The following TSHZ2 variants were observed in gnomAD, a reference collection of about 807,000 sequenced individuals.
The protein encoded by TSHZ2 is teashirt homolog 2.
Under a neutral mutation model 74.4 loss-of-function variants are expected in TSHZ2, and 21 were observed. The observed-to-expected ratio is 0.28, with a 90% CI of 0.20 to 0.41. The LOEUF (loss-of-function observed/expected upper bound fraction) is 0.41. TSHZ2 is among the 10% of genes least tolerant of loss of function. The probability of loss-of-function intolerance (pLI) is 1.00; values close to 1 mark genes in which losing one functional copy is unlikely to be tolerated. For missense variants in TSHZ2, 1,244 were observed against 1,293.5 expected (o/e 0.96, Z 0.59); for synonymous variants, 540 against 515.3 (o/e 1.05, Z -0.65).
chr20:53,153,623 G>A (rs1425204063), intron 1 of TSHZ2, among the ~76,000 whole-genome samples: 1 of 152,102 alleles, frequency 6.6e-6, no homozygotes, highest in Non-Finnish European at 1.5e-5. Flanking sequence ...GTTTGTTGAG[G>A]TCCCACCACT....
chr20:53,255,823 A>G lies in TSHZ2; in HGVS notation c.2365A>G (p.Lys789Glu), dbSNP rs754801677. 2 of 1,613,064 alleles carry G rather than the reference A, an allele frequency of 1.2e-6. No individual in the cohort carries two copies. The highest frequency in any genetic ancestry group is 1.7e-6 in the Non-Finnish European group (2 of 1,179,474). ...ACAATCTTGTATGTCCCCACCTCAG[A>G]AGCACGCTCTGTCTGACATCGCCGA... ...QAQSCMSPPQKHALSDIADMV... is the reference protein window; with the variant it reads ...QAQSCMSPPQEHALSDIADMV... Residue 789 changes from lysine (K) to glutamate (E), a missense_variant, in exon 2 of 3, where the codon AAG (lysine) becomes GAG (glutamate). Coordinates refer to ENST00000371497, the MANE Select transcript of TSHZ2 (RefSeq NM_173485.6). This position sits in a 1 kb window ranked among gnomAD's most constrained non-coding sequence, Gnocchi z 4.1.
chr20:53,116,988 G>A (rs974018674), intron 1 of TSHZ2, among the ~76,000 whole-genome samples: 1 of 152,076 alleles, frequency 6.6e-6, no homozygotes, highest in Admixed American at 6.5e-5. Context: ...TCTTCATGGG[G>A]GAGAGTGAGA....
At chr20:53,243,993 A>G (rs1990137699) in intron 1 of TSHZ2, among the ~76,000 whole-genome samples, 1 of 152,152 alleles carries the variant, frequency 6.6e-6, no homozygotes, top group Non-Finnish European at 1.5e-5. Context: ...AATATTTCAG[A>G]GAAAGAAGCA....
chr20:53,273,115 G>T (rs1353110532), intron 2 of TSHZ2, among the ~76,000 whole-genome samples: 1 of 152,242 alleles, frequency 6.6e-6, no homozygotes, highest in African/African-American at 2.4e-5. Context: ...ATCCAGTGGT[G>T]GGACATGAAT....
intron 2 of TSHZ2, among the ~76,000 whole-genome samples, chr20:53,274,630 A>G (rs1990904937): frequency 6.6e-6 from 1 of 152,250 alleles, no homozygotes; most frequent in African/African-American, 2.4e-5. Flanking sequence ...TAAATTTGCA[A>G]TCCATAATTG....
chr20:53,010,512 T>C (rs1029753672), intron 1 of TSHZ2, among the ~76,000 whole-genome samples: 2 of 152,150 alleles, frequency 1.3e-5, no homozygotes, highest in Non-Finnish European at 2.9e-5. Context: ...GGATTTTATG[T>C]GTGCCCAGCC....
intron 1 of TSHZ2, among the ~76,000 whole-genome samples, chr20:53,235,200 C>T (rs376161277): frequency 6.6e-5 from 10 of 151,910 alleles, no homozygotes; most frequent in Admixed American, 6.6e-5. Context: ...CAAAGTCTCA[C>T]TCTGTCACCC....
chr20:53,167,359 T>C (rs1988087082), intron 1 of TSHZ2, among the ~76,000 whole-genome samples: 1 of 152,204 alleles, frequency 6.6e-6, no homozygotes, highest in South Asian at 2.1e-4. Flanking sequence ...AAGGTAGACA[T>C]TATTTTCACT....
At chr20:53,185,470 G>T in intron 1 of TSHZ2, 1 of 1,371,500 alleles carries the variant, frequency 7.3e-7, no homozygotes, top group Non-Finnish European at 9.5e-7. Context: ...ATGAGGTCAG[G>T]AGTTCAAGAC....
intron 2 of TSHZ2, among the ~76,000 whole-genome samples, chr20:53,319,577 G>A (rs1353154201): frequency 6.6e-6 from 1 of 152,192 alleles, no homozygotes; most frequent in Non-Finnish European, 1.5e-5. Context: ...CATTTGGGCT[G>A]TACCCAAATG....
At chr20:53,308,566 TG>T (rs1305497440) in intron 2 of TSHZ2, among the ~76,000 whole-genome samples, 2 of 152,182 alleles carry the variant, frequency 1.3e-5, no homozygotes, top group African/African-American at 4.8e-5. Context: ...TGAGCTGCCC[TG>T]GGTCACCGGG....
At chr20:53,401,835 T>A (rs2145680817) in intron 2 of TSHZ2, among the ~76,000 whole-genome samples, 1 of 144,072 alleles carries the variant, frequency 6.9e-6, no homozygotes, top group African/African-American at 2.7e-5. Context: ...GAGGCTGGAG[T>A]GCAGTGGTGT....
intron 1 of TSHZ2, among the ~76,000 whole-genome samples, chr20:53,228,751 C>T (rs1168816793): frequency 6.7e-6 from 1 of 150,120 alleles, no homozygotes; most frequent in Non-Finnish European, 1.5e-5. Context: ...TTGTCCTCTG[C>T]CCATTGGATG....
intron 1 of TSHZ2, among the ~76,000 whole-genome samples, chr20:53,234,076 T>G (rs1002434589): frequency 4.6e-5 from 7 of 152,206 alleles, no homozygotes; most frequent in African/African-American, 1.2e-4. Context: ...ATCTCTGCCT[T>G]TACTGCAAGT....
At chr20:53,353,243 A>G (rs773911993) in intron 2 of TSHZ2, among the ~76,000 whole-genome samples, 3 of 152,180 alleles carry the variant, frequency 2.0e-5, no homozygotes, top group Non-Finnish European at 4.4e-5. Flanking sequence ...CTGCATAGCA[A>G]ACACCCAGTG....
At chr20:53,114,708 TTAC>T (rs1168269318) in intron 1 of TSHZ2, among the ~76,000 whole-genome samples, 1 of 152,156 alleles carries the variant, frequency 6.6e-6, no homozygotes, top group Non-Finnish European at 1.5e-5. Flanking sequence ...TCTCTAGAGT[TTAC>T]ACACAACCCT....
intron 2 of TSHZ2, among the ~76,000 whole-genome samples, chr20:53,321,451 C>T (rs539938410): frequency 3.3e-4 from 50 of 151,878 alleles, no homozygotes; most frequent in Admixed American, 5.2e-4. Context: ...TTTGGGCAGC[C>T]GAAGCAGGCG....
chr20:53,061,638 G>A (rs192162718), intron 1 of TSHZ2, among the ~76,000 whole-genome samples: 21 of 152,230 alleles, frequency 1.4e-4, no homozygotes, highest in South Asian at 2.1e-4. Flanking sequence ...TTACTGACAG[G>A]TTGTATCTAT....
intron 2 of TSHZ2, among the ~76,000 whole-genome samples, chr20:53,263,130 C>G (rs1455512217): frequency 6.6e-6 from 1 of 152,148 alleles, no homozygotes; most frequent in Non-Finnish European, 1.5e-5. Context: ...TGATTCTATA[C>G]CTTTTATCTG....
Sources: gnomAD v4.1 joint callset for allele counts (sites outside exome capture counted in the v4.1 genomes callset) on GRCh38, gnomAD v4.1.1 for gene constraint, Gnocchi (gnomAD v3.1) non-coding constraint, MANE v1.5 for transcripts, NCBI Gene and HGNC (gene_info 2026-07-23, HGNC 2026-07-21) for gene names.